CACNA1E: variants seen among roughly 807,000 people sequenced by gnomAD.
CACNA1E encodes the protein voltage-dependent R-type calcium channel subunit alpha-1E.
A neutral mutation model predicts 259.2 loss-of-function variants in CACNA1E; 40 were observed. The observed-to-expected ratio is 0.15, with a 90% confidence interval of 0.12 to 0.20. The LOEUF (loss-of-function observed/expected upper bound fraction) is 0.20. CACNA1E is among the 10% of genes least tolerant of loss of function. The probability of loss-of-function intolerance (pLI) is 1.00; values close to 1 mark genes in which losing one functional copy is unlikely to be tolerated. For missense variants in CACNA1E, 1,874 were observed against 3,040.1 expected, an observed-to-expected ratio of 0.62 and a Z score of 9.02; for synonymous variants, 1,104 against 1,138.5, an observed-to-expected ratio of 0.97 and a Z score of 0.61.
intron 6 of CACNA1E, among the ~76,000 whole-genome samples, chr1:181,601,806 C>A (rs1329529440): frequency 1.3e-5 from 2 of 152,166 alleles, no homozygotes; most frequent in African/African-American, 4.8e-5. Flanking sequence ...CCAGTAGCTC[C>A]TCTTCCCTTG....
chr1:181,754,376 G>A (rs1657883547), intron 27 of CACNA1E, among the ~76,000 whole-genome samples: 1 of 152,230 alleles, frequency 6.6e-6, no homozygotes, highest in South Asian at 2.1e-4. Context: ...ACCCAGTGCT[G>A]CAAAGAAGCA....
chr1:181,767,521 C>A (rs1312154639), intron 35 of CACNA1E, among the ~76,000 whole-genome samples: 2 of 152,248 alleles, frequency 1.3e-5, no homozygotes, highest in Non-Finnish European at 2.9e-5. Flanking sequence ...TGGCTGCCTT[C>A]CCAACTGTGT....
chr1:181,711,915 G>T (rs779635743), intron 8 of CACNA1E, among the ~76,000 whole-genome samples: 5 of 152,166 alleles, frequency 3.3e-5, no homozygotes, highest in Middle Eastern at 3.2e-3. Context: ...ACCATGGGAG[G>T]GTTTTGAGCA....
chr1:181,769,573 G>A (rs1049054008), intron 35 of CACNA1E, among the ~76,000 whole-genome samples: 33 of 151,224 alleles, frequency 2.2e-4, no homozygotes, highest in Admixed American at 1.8e-3. Flanking sequence ...ACCATGCCCG[G>A]CTTGACTTGA....
chr1:181,641,702 TG>T (rs1558217473), intron 6 of CACNA1E, among the ~76,000 whole-genome samples: 22 of 112,596 alleles, frequency 2.0e-4, no homozygotes, highest in African/African-American at 6.2e-4. Context: ...ACTAATTTTT[TG>T]TTTTTTTTTT....
intron 3 of CACNA1E, among the ~76,000 whole-genome samples, chr1:181,554,386 G>T (rs2102855850): frequency 6.6e-6 from 1 of 152,212 alleles, no homozygotes; most frequent in East Asian, 1.9e-4. Flanking sequence ...TCTGACAGGG[G>T]TTCAATCTAC....
chr1:181,669,233 C>T (rs1295965578), intron 7 of CACNA1E, among the ~76,000 whole-genome samples: 12 of 152,192 alleles, frequency 7.9e-5, no homozygotes, highest in Admixed American at 7.9e-4. Context: ...GCTAGCTTCA[C>T]TCACCATCAA....
rs369634310 is a variant in CACNA1E at position 181,798,556 on chromosome 1, G to A, written c.6664G>A (p.Ala2222Thr). The A allele has an allele frequency of 2.5e-6, 4 of 1,613,646 alleles. No homozygotes were observed. The highest frequency in any genetic ancestry group is 1.3e-5 in the African/African-American group (1 of 74,934). Reference protein sequence around the residue: ...NSPHPQQSQHASPQRYISEPY... With the variant: ...NSPHPQQSQHTSPQRYISEPY... ...TCCGCACCCCCAGCAGAGCCAACAT[G>A]CCTCCCCACAGCGCTACATCTCCGA... Residue 2222 changes from alanine to threonine, a missense_variant, in exon 48 of 48, where the codon GCC (alanine) becomes ACC (threonine). Physicochemically the swap from Ala to Thr is moderately conservative, Grantham distance 58. Transcript: ENST00000367573. The surrounding 1 kb of genome is among the most constrained non-coding windows in gnomAD (Gnocchi z 4.2).
chr1:181,327,810 A>C (rs1650912063), intron 1 of CACNA1E, among the ~76,000 whole-genome samples: 1 of 151,984 alleles, frequency 6.6e-6, no homozygotes, highest in Non-Finnish European at 1.5e-5. Flanking sequence ...ATAATAAATC[A>C]CCTCCGATCT....
At position 181,512,985 on chromosome 1, in the gene CACNA1E, T is replaced by C. The variant is rs942477983; in HGVS notation, c.512+1475T>C. 3.9e-5 allele frequency among the ~76,000 whole-genome samples: 6 copies of C among 152,198 alleles called. No individual in the cohort carries two copies. The South Asian group carries it at 1.2e-3, about 32-fold the overall frequency. On this transcript the variant is annotated intron_variant, in intron 3 of 47. Transcript: ENST00000367573. ...TATGAGAATCTGAATCATTTAGAAA[T>C]GTTATGATTCTATCTAGAAGAAAAG... is the stretch of plus-strand genomic sequence containing the variant.
chr1:181,699,278 A>G (rs931167524), intron 7 of CACNA1E, among the ~76,000 whole-genome samples: 2 of 152,208 alleles, frequency 1.3e-5, no homozygotes, highest in Admixed American at 1.3e-4. Context: ...AGATCCTTTT[A>G]TTGTGTAGCT....
At chr1:181,444,126 C>T (rs1438815850) in intron 2 of CACNA1E, among the ~76,000 whole-genome samples, 17 of 152,102 alleles carry the variant, frequency 1.1e-4, no homozygotes, top group Admixed American at 1.1e-3. Context: ...TTGGTATCTC[C>T]TCCATTGTTC....
chr1:181,715,754 G>C (rs1337387490), intron 9 of CACNA1E, among the ~76,000 whole-genome samples: 1 of 152,176 alleles, frequency 6.6e-6, no homozygotes, highest in Non-Finnish European at 1.5e-5. Flanking sequence ...TAGATGAAGA[G>C]CCAGGACAGA....
chr1:181,523,258 C>T (rs953408160), intron 3 of CACNA1E, among the ~76,000 whole-genome samples: 15 of 152,202 alleles, frequency 9.9e-5, no homozygotes, highest in Non-Finnish European at 2.1e-4. Flanking sequence ...CCACTCCCCC[C>T]AGCTGTGACT....
chr1:181,680,083 A>C (rs1649784619), intron 7 of CACNA1E, among the ~76,000 whole-genome samples: 1 of 135,594 alleles, frequency 7.4e-6, no homozygotes, highest in Non-Finnish European at 1.5e-5. Flanking sequence ...TCCAGCCTGC[A>C]TGACAGAGTG....
intron 7 of CACNA1E, among the ~76,000 whole-genome samples, chr1:181,679,002 T>C (rs1282383123): frequency 6.6e-6 from 1 of 152,204 alleles, no homozygotes; most frequent in African/African-American, 2.4e-5. Context: ...AAATATGATA[T>C]CTGGTGAAAG....
intron 3 of CACNA1E, among the ~76,000 whole-genome samples, chr1:181,563,045 A>C (rs565090317): frequency 6.6e-6 from 1 of 152,314 alleles, no homozygotes; most frequent in Admixed American, 6.5e-5. Context: ...TTTTGACTTA[A>C]TAACTCTAAA....
intron 46 of CACNA1E, among the ~76,000 whole-genome samples, 159 bp from the exon 47 acceptor site, chr1:181,796,509 A>G (rs1661817087): frequency 6.6e-6 from 1 of 152,136 alleles, no homozygotes; most frequent in African/African-American, 2.4e-5. Context: ...TCAGGAACAA[A>G]TTAGGCCTCA....
At chr1:181,591,014 T>C (rs3966028) in intron 6 of CACNA1E, among the ~76,000 whole-genome samples, 131,095 of 152,276 alleles carry the variant, frequency 0.86, 57,318 homozygotes, top group East Asian at 0.98. Flanking sequence ...GGGGAAAAGC[T>C]ACTGCTTTCT....
Sources: gnomAD v4.1 joint callset for allele counts (sites outside exome capture counted in the v4.1 genomes callset) on GRCh38, gnomAD v4.1.1 for gene constraint, Gnocchi (gnomAD v3.1) non-coding constraint, MANE v1.5 for transcripts, NCBI Gene and HGNC (gene_info 2026-07-23, HGNC 2026-07-21) for gene names.